DNM3: variants seen among roughly 807,000 people sequenced by gnomAD.
DNM3 encodes dynamin 3.
Under a neutral mutation model 101.6 loss-of-function variants are expected in DNM3, and 47 were observed. The observed-to-expected ratio is 0.46, with a 90% CI of 0.37 to 0.59. DNM3 has a LOEUF of 0.59. Among genes scored for constraint, DNM3 ranks in the 20% least tolerant of loss-of-function variants. DNM3 has a pLI of 0.00. For missense variants in DNM3, 849 were observed against 1,085.7 expected, an observed-to-expected ratio of 0.78 and a Z score of 3.06; for synonymous variants, 385 against 387.9, an observed-to-expected ratio of 0.99 and a Z score of 0.09.
chr1:172,184,453 T>G (rs2059454636), intron 14 of DNM3, among the ~76,000 whole-genome samples: 1 of 152,118 alleles, frequency 6.6e-6, no homozygotes, highest in Non-Finnish European at 1.5e-5. Context: ...GAAATTAATT[T>G]TTTTTAGAAA....
chr1:172,058,873 A>AT lies in DNM3; in HGVS notation c.1336-9946_1336-9945insT, dbSNP rs1452851753. 2.6e-5 allele frequency among the ~76,000 whole-genome samples: 4 copies of AT among 151,908 alleles called. No homozygotes were observed. The East Asian group carries it at 5.8e-4, about 22-fold the overall frequency. ...AGCAGAACTGAAGGAAATAGAGACA[A>AT]AAAAAACCCTTAAAAAATTAATGAA... On this transcript the variant is annotated intron_variant, in intron 10 of 20. Transcript: ENST00000627582.
At chr1:172,269,198 A>C (rs2148740774) in intron 15 of DNM3, among the ~76,000 whole-genome samples, 1 of 152,346 alleles carries the variant, frequency 6.6e-6, no homozygotes, top group South Asian at 2.1e-4. Context: ...AATGAGCCCA[A>C]CACGGCTATG....
At chr1:172,147,240 G>C (rs2057947466) in intron 14 of DNM3, among the ~76,000 whole-genome samples, 1 of 152,102 alleles carries the variant, frequency 6.6e-6, no homozygotes, top group African/African-American at 2.4e-5. Context: ...ATACACATCT[G>C]TTACCAAGTG....
chr1:171,987,007 A>G (rs2045309802), intron 2 of DNM3, among the ~76,000 whole-genome samples: 1 of 152,080 alleles, frequency 6.6e-6, no homozygotes, highest in Non-Finnish European at 1.5e-5. Context: ...TTATTTATGT[A>G]GTTATTTTAG....
rs10911308 is a variant in DNM3 at position 172,216,462 on chromosome 1, G to A, written c.1660-37111G>A. On this transcript the variant is annotated intron_variant, in intron 14 of 20. Coordinates refer to ENST00000627582, the MANE Select transcript of DNM3 (RefSeq NM_015569.5). ...TAAGCAGAAATAAAAACCTGGCTTC[G>A]TCATTTGTGATGGATGCTAAAGTCA... Among the ~76,000 whole-genome samples, 603 of 152,036 alleles carry A rather than the reference G, an allele frequency of 4.0e-3. 2 individuals are homozygous for A. The highest frequency in any genetic ancestry group is 0.014 in the African/African-American group (576 of 41,484).
Position 171,947,136 on chromosome 1 carries a change from A to G in DNM3, c.235+25315A>G, listed in dbSNP as rs193162585. Among the ~76,000 whole-genome samples, 339 of 152,302 alleles carry G rather than the reference A, an allele frequency of 2.2e-3. 2 individuals are homozygous for G. The highest frequency in any genetic ancestry group is 5.6e-3 in the South Asian group (27 of 4,824). On this transcript the variant is annotated intron_variant, in intron 2 of 20. Transcript: ENST00000627582. ...TGGTGCAGTGGTGGGATTACCTTGC[A>G]GTGGGAGCTATCAGAAGTGACACAA...
chr1:172,088,721 T>G (rs908247187), intron 12 of DNM3, among the ~76,000 whole-genome samples: 1 of 152,222 alleles, frequency 6.6e-6, no homozygotes, highest in Non-Finnish European at 1.5e-5. Context: ...TATCTTCTTT[T>G]CAAGTTTGCT....
chr1:172,119,149 C>T (rs1261198775), intron 13 of DNM3, among the ~76,000 whole-genome samples: 1 of 151,904 alleles, frequency 6.6e-6, no homozygotes, highest in African/African-American at 2.4e-5. Flanking sequence ...TGCACCACCA[C>T]ACCCAGTTAA....
chr1:172,154,332 A>T (rs2058256888), intron 14 of DNM3, among the ~76,000 whole-genome samples: 1 of 151,978 alleles, frequency 6.6e-6, no homozygotes, highest in East Asian at 1.9e-4. Context: ...AAGATTTTAA[A>T]ACTGAGTTGA....
intron 17 of DNM3, among the ~76,000 whole-genome samples, chr1:172,332,522 C>T (rs1443213018): frequency 6.6e-6 from 1 of 152,126 alleles, no homozygotes; most frequent in Non-Finnish European, 1.5e-5. Flanking sequence ...GTTCTCCAGG[C>T]TGGTCTCGAA....
intron 14 of DNM3, among the ~76,000 whole-genome samples, chr1:172,235,187 G>T (rs1306627117): frequency 1.3e-5 from 2 of 152,242 alleles, no homozygotes; most frequent in Admixed American, 1.3e-4. Context: ...GTGGGCAAAG[G>T]ATATGAGCAG....
chr1:171,993,113 A>G (rs539527085), intron 4 of DNM3, among the ~76,000 whole-genome samples: 1 of 152,260 alleles, frequency 6.6e-6, no homozygotes, highest in African/African-American at 2.4e-5. Flanking sequence ...TAAATCAGAT[A>G]TGAGAAAAAA....
At position 172,377,906 on chromosome 1, in the gene DNM3, C is replaced by A. The variant is rs141858235; in HGVS notation, c.1894-1112C>A. 8.5e-3 allele frequency among the ~76,000 whole-genome samples: 1,287 copies of A among 151,980 alleles called. 26 individuals carry two copies. The highest frequency in any genetic ancestry group is 0.029 in the African/African-American group (1,211 of 41,470). The stretch of plus-strand genomic sequence containing the variant: ...GTGGCCCATCAATATGCTTTTCACA[C>A]AAGCATATTGATTCAAAGGAAAGGC... On this transcript the variant is annotated intron_variant, in intron 17 of 20. Transcript: ENST00000627582.
chr1:171,876,187 TA>T (rs1244720162), intron 1 of DNM3, among the ~76,000 whole-genome samples: 2 of 152,142 alleles, frequency 1.3e-5, no homozygotes, highest in East Asian at 3.9e-4. Context: ...TGTTTGAAAG[TA>T]ATCTGGTCAG....
At chr1:172,229,605 T>A (rs2061257652) in intron 14 of DNM3, among the ~76,000 whole-genome samples, 1 of 152,178 alleles carries the variant, frequency 6.6e-6, no homozygotes. Flanking sequence ...TAGCAATAAC[T>A]TTTTGAATTT....
At chr1:171,891,920 T>C (rs7525872) in intron 1 of DNM3, among the ~76,000 whole-genome samples, 64,820 of 152,046 alleles carry the variant, frequency 0.43, 13,961 homozygotes, top group African/African-American at 0.44. Context: ...TGGGGAGTTA[T>C]GCTCCATCTC....
At chr1:171,906,642 A>G (rs761328007) in intron 1 of DNM3, among the ~76,000 whole-genome samples, 6 of 152,092 alleles carry the variant, frequency 3.9e-5, no homozygotes, top group Admixed American at 1.3e-4. Context: ...AAGATACCCA[A>G]TTTATTTTGG....
At chr1:171,876,909 C>A (rs1406944859) in intron 1 of DNM3, among the ~76,000 whole-genome samples, 3 of 152,146 alleles carry the variant, frequency 2.0e-5, no homozygotes, top group Non-Finnish European at 4.4e-5. Context: ...TTGTTCCAGG[C>A]GATTAGCAAA....
intron 20 of DNM3, among the ~76,000 whole-genome samples, chr1:172,396,036 C>T (rs2069960495): frequency 6.6e-6 from 1 of 152,228 alleles, no homozygotes; most frequent in Non-Finnish European, 1.5e-5. Flanking sequence ...GTATTTGCGC[C>T]GTCTCCTCAT....
Sources: allele counts gnomAD v4.1 joint callset (sites outside exome capture counted in the v4.1 genomes callset), GRCh38; gene constraint gnomAD v4.1.1; transcripts MANE v1.5; gene names NCBI Gene and HGNC (gene_info 2026-07-23, HGNC 2026-07-21).